CEACAM6: variants seen among roughly 807,000 people sequenced by gnomAD.
CEACAM6 encodes the protein cell adhesion molecule CEACAM6.
Under a neutral mutation model 32.4 loss-of-function variants are expected in CEACAM6, and 21 were observed. The ratio of observed to expected loss-of-function variants is 0.65; its 90% confidence interval spans 0.46 to 0.93. The LOEUF (loss-of-function observed/expected upper bound fraction) is 0.93. Among genes scored for constraint, CEACAM6 ranks in the 40% least tolerant of loss-of-function variants. The pLI is 0.00. For synonymous variants in CEACAM6, 184 were observed against 174.4 expected (o/e 1.06, Z -0.43); for missense variants, 406 against 432.2 (o/e 0.94, Z 0.54).
At position 41,766,286 on chromosome 19, in the gene CEACAM6, A is replaced by G; in HGVS notation, c.*27A>G. 1 of 1,533,408 alleles carries G rather than the reference A, an allele frequency of 6.5e-7. No individual in the cohort carries two copies. Among genetic ancestry groups the G allele is most frequent in the South Asian group, 1.2e-5 (1 of 83,512 alleles). The allele number at this position is 1,533,408 out of a possible 1,614,324, so 95.0% of individuals were successfully genotyped here. ...AGCCCTGGTGTATTTTCGATATTTC[A>G]GGAAGACTGGCAGGTATGATCGCCT... is the stretch of plus-strand genomic sequence containing the variant. On this transcript the variant is annotated 3_prime_UTR_variant, in exon 5 of 6. Coordinates refer to ENST00000199764, the MANE Select transcript of CEACAM6 (RefSeq NM_002483.7).
intron 1 of CEACAM6, among the ~76,000 whole-genome samples, chr19:41,755,986 G>C (rs1017294428): frequency 6.6e-6 from 1 of 152,102 alleles, no homozygotes; most frequent in Non-Finnish European, 1.5e-5. Flanking sequence ...GCATTAGGAT[G>C]ACACTCCAAA....
Position 41,759,760 on chromosome 19 carries a change from G to T in CEACAM6, c.425-1489G>T, listed in dbSNP as rs113367096. On this transcript the variant is annotated intron_variant, in intron 2 of 5. Transcript: ENST00000199764. ...GAAAAAATTAAATGTTTCCCCCAAA[G>T]TTCTTTTATTTTTTACTATATTCAG... Among the ~76,000 whole-genome samples the T allele has an allele frequency of 2.6e-4, 40 of 152,216 alleles. 1 individual carries two copies. The highest frequency in any genetic ancestry group is 8.4e-4 in the African/African-American group (35 of 41,536).
At chr19:41,760,167 C>G (rs1319633076) in intron 2 of CEACAM6, among the ~76,000 whole-genome samples, 2 of 152,198 alleles carry the variant, frequency 1.3e-5, no homozygotes, top group African/African-American at 4.8e-5. Context: ...ACTAACTCCC[C>G]ATTCTGCCTC....
intron 5 of CEACAM6, among the ~76,000 whole-genome samples, chr19:41,768,107 A>C (rs1325660503): frequency 3.3e-5 from 5 of 149,714 alleles, no homozygotes; most frequent in African/African-American, 1.2e-4. Context: ...TTTTTTATTG[A>C]TCATTCTTGG....
At chr19:41,768,969 T>C (rs962928857) in intron 5 of CEACAM6, among the ~76,000 whole-genome samples, 2 of 152,168 alleles carry the variant, frequency 1.3e-5, no homozygotes, top group Non-Finnish European at 1.5e-5. Flanking sequence ...TGTTTTGAGA[T>C]GGAGTTTCAC....
intron 4 of CEACAM6, 64 bp downstream of exon 4, chr19:41,762,287 C>T (rs1339592568): frequency 2.8e-5 from 44 of 1,560,010 alleles, no homozygotes; most frequent in Non-Finnish European, 3.7e-5. Context: ...CAGAGAAGAG[C>T]CAGGAAGAAA....
chr19:41,755,827 C>T (rs1600493648), intron 1 of CEACAM6, 125 bp downstream of exon 1: 2 of 675,292 alleles, frequency 3.0e-6, no homozygotes, highest in East Asian at 3.1e-5. Context: ...GGAAACAGAA[C>T]ACCAGAGAGG....
At chr19:41,761,111 T>C in intron 2 of CEACAM6, 138 bp from the exon 3 acceptor site, 2 of 1,503,024 alleles carry the variant, frequency 1.3e-6, no homozygotes, top group East Asian at 2.3e-5. Flanking sequence ...GCATCTGTTG[T>C]GTGACACACA....
chr19:41,770,401 CCT>C (rs1407689185), intron 5 of CEACAM6, among the ~76,000 whole-genome samples: 1 of 151,144 alleles, frequency 6.6e-6, no homozygotes, highest in African/African-American at 2.5e-5. Context: ...CATACATAGG[CCT>C]ATACTATTCA....
rs1555820929 is a variant in CEACAM6, at chr19:41,755,704, T to C, written c.64+2T>C. ...CCTGGAAGGAGGTCCTGCTCACAGG[T>C]GAGGGGAGGACTCCCTCGGAGTGGA... is the stretch of plus-strand genomic sequence containing the variant. On this transcript the variant is annotated splice_donor_variant, in intron 1 of 5. Coordinates refer to ENST00000199764, the MANE Select transcript of CEACAM6 (RefSeq NM_002483.7). LOFTEE classifies it high-confidence loss of function. 1 of 1,602,696 alleles carries C rather than the reference T, an allele frequency of 6.2e-7. No individual in the cohort carries two copies. Among genetic ancestry groups the C allele is most frequent in the Admixed American group, 1.7e-5 (1 of 57,198 alleles).
Position 41,755,607 on chromosome 19 carries a change from CA to C in CEACAM6, c.-29del. The C allele has an allele frequency of 6.2e-7, 1 of 1,608,100 alleles. No homozygotes were observed. Among genetic ancestry groups the C allele is most frequent in the Non-Finnish European group, 8.5e-7 (1 of 1,175,226 alleles). ...CATTCCTGGAGCTCAAGCTCCTCTA[CA>C]AAGAGGTGGACAGAGAAGACAGCAG... is the stretch of plus-strand genomic sequence containing the variant. On this transcript the variant is annotated 5_prime_UTR_variant, in exon 1 of 6. Coordinates refer to ENST00000199764, the MANE Select transcript of CEACAM6 (RefSeq NM_002483.7).
rs1555823002 is a variant in CEACAM6, at chr19:41,771,741, A to G, written c.*980A>G. On this transcript the variant is annotated 3_prime_UTR_variant, in exon 6 of 6. Transcript: ENST00000199764. ...TGGCTGGAATTACAAAACTCAGAGAAATGTGTCATCAGGAGAACATCATAA... is the reference window on the plus strand; with the variant it reads ...TGGCTGGAATTACAAAACTCAGAGAGATGTGTCATCAGGAGAACATCATAA... 6.6e-6 allele frequency: 1 copy of G among 152,222 alleles called. No homozygotes were observed. The highest frequency in any genetic ancestry group is 1.9e-4 in the East Asian group (1 of 5,202). 9.4% of individuals were successfully genotyped at this position (152,222 alleles called of 1,614,324 possible). A position where few individuals can be genotyped will look rare whatever the true frequency, so the allele number is the denominator to read the frequency against.
rs781826090 is a variant in CEACAM6, at chr19:41,761,436, C to T, written c.612C>T (p.Ser204=). ...GCAACATGACCCTCACTCTACTCAG[C>T]GTCAAAAGGAACGATGCAGGATCCT... ...SNGNMTLTLL[S]VKRNDAGSYE... The change falls in exon 3 of 6, where the codon AGC becomes AGT. Residue 204 remains serine, a synonymous_variant. Coordinates refer to ENST00000199764, the MANE Select transcript of CEACAM6 (RefSeq NM_002483.7). 16 of 1,614,182 alleles carry T rather than the reference C, an allele frequency of 9.9e-6. No homozygotes were observed. Among genetic ancestry groups the T allele is most frequent in the Middle Eastern group, 1.6e-4 (1 of 6,062 alleles).
chr19:41,761,451 T>C lies in CEACAM6; in HGVS notation c.627T>C (p.Asp209=), dbSNP rs2072923582. 1 of 1,614,200 alleles carries C rather than the reference T, an allele frequency of 6.2e-7. No individual in the cohort carries two copies. Among genetic ancestry groups the C allele is most frequent in the Admixed American group, 1.7e-5 (1 of 60,018 alleles). ...TLTLLSVKRN[D]AGSYECEIQN... ...CTCTACTCAGCGTCAAAAGGAACGA[T>C]GCAGGATCCTATGAATGTGAAATAC... Residue 209 remains aspartate (D), a synonymous_variant, in exon 3 of 6, where the codon GAT becomes GAC. Transcript: ENST00000199764.
At chr19:41,761,917 C>T in intron 3 of CEACAM6, 52 bp from the exon 4 acceptor site, 1 of 1,602,468 alleles carries the variant, frequency 6.2e-7, no homozygotes, top group Admixed American at 1.7e-5. Flanking sequence ...AGACCAGGAA[C>T]TTATGCTTCC....
At chr19:41,764,056 T>C (rs782526440) in intron 4 of CEACAM6, among the ~76,000 whole-genome samples, 1 of 152,164 alleles carries the variant, frequency 6.6e-6, no homozygotes, top group Non-Finnish European at 1.5e-5. Context: ...CCCTCTATTA[T>C]GTTGAGGTGG....
At chr19:41,765,658 G>A (rs1375150269) in intron 4 of CEACAM6, among the ~76,000 whole-genome samples, 3 of 152,184 alleles carry the variant, frequency 2.0e-5, no homozygotes, top group Admixed American at 2.0e-4. Context: ...GTTTCCCCAA[G>A]ACCGATGGGG....
intron 5 of CEACAM6, among the ~76,000 whole-genome samples, chr19:41,767,532 T>C (rs1235137657): frequency 6.6e-6 from 1 of 152,122 alleles, no homozygotes; most frequent in African/African-American, 2.4e-5. Context: ...TGATGGGAAA[T>C]ATAGCTACAC....
At chr19:41,769,990 T>C (rs1364782688) in intron 5 of CEACAM6, among the ~76,000 whole-genome samples, 3 of 151,514 alleles carry the variant, frequency 2.0e-5, no homozygotes, top group Admixed American at 6.6e-5. Flanking sequence ...TTTGGGAATA[T>C]ACATAGATGA....
Sources: allele counts gnomAD v4.1 joint callset (sites outside exome capture counted in the v4.1 genomes callset), GRCh38; gene constraint gnomAD v4.1.1; transcripts MANE v1.5; gene names NCBI Gene and HGNC (gene_info 2026-07-23, HGNC 2026-07-21).